Variants in PHACTR1 observed in about 807,000 individuals in gnomAD.
The protein encoded by PHACTR1 is RPEL repeat containing 1.
PHACTR1 carries 16 observed loss-of-function variants against 69.2 expected under a neutral mutation model. The ratio of observed to expected loss-of-function variants is 0.23; its 90% CI spans 0.16 to 0.35. The LOEUF is 0.35. PHACTR1 is among the 10% of genes least tolerant of loss of function. The probability of loss-of-function intolerance (pLI) is 1.00; values close to 1 mark genes in which losing one functional copy is unlikely to be tolerated. For synonymous variants in PHACTR1, 312 were observed against 284.5 expected (o/e 1.10, Z -0.97); for missense variants, 510 against 734.7 (o/e 0.69, Z 3.54).
At chr6:12,819,210 G>T (rs1377329027) in intron 4 of PHACTR1, among the ~76,000 whole-genome samples, 1 of 152,090 alleles carries the variant, frequency 6.6e-6, no homozygotes, top group African/African-American at 2.4e-5. Flanking sequence ...TAGGTCTTTT[G>T]GGGCTTCTCG....
intron 4 of PHACTR1, among the ~76,000 whole-genome samples, chr6:12,765,037 A>G (rs1768443137): frequency 2.0e-5 from 3 of 152,142 alleles, no homozygotes; most frequent in Admixed American, 1.3e-4. Flanking sequence ...GGAAATACTC[A>G]TATTTCAGAG....
intron 5 of PHACTR1, among the ~76,000 whole-genome samples, chr6:13,149,514 T>C (rs1823978193): frequency 1.3e-5 from 2 of 152,190 alleles, no homozygotes; most frequent in African/African-American, 2.4e-5. Flanking sequence ...ATCTCGTACC[T>C]CATGGGCCAT....
chr6:12,848,422 C>T (rs923008843), intron 4 of PHACTR1, among the ~76,000 whole-genome samples: 1 of 152,140 alleles, frequency 6.6e-6, no homozygotes, highest in African/African-American at 2.4e-5. Flanking sequence ...TTTTCCCAAG[C>T]TTCTTTAGGC....
At chr6:13,249,948 AT>A (rs1774148995) in intron 10 of PHACTR1, among the ~76,000 whole-genome samples, 1 of 152,168 alleles carries the variant, frequency 6.6e-6, no homozygotes, top group Admixed American at 6.5e-5. Flanking sequence ...GTTTTCAGAC[AT>A]TGGTGACACT....
intron 4 of PHACTR1, among the ~76,000 whole-genome samples, chr6:12,895,501 T>C (rs1378256594): frequency 6.6e-6 from 1 of 152,136 alleles, no homozygotes; most frequent in Non-Finnish European, 1.5e-5. Flanking sequence ...CTATTTTTAC[T>C]GTTAACAAAA....
rs143854050 is a variant in PHACTR1, at chr6:13,012,010, G to A, written c.251-41355G>A. Among the ~76,000 whole-genome samples the A allele has an allele frequency of 2.1e-4, 32 of 152,314 alleles. No homozygotes were observed. The East Asian group carries it at 6.2e-3, about 29-fold the overall frequency. On this transcript the variant is annotated intron_variant, in intron 4 of 14. Coordinates refer to ENST00000332995, the MANE Select transcript of PHACTR1 (RefSeq NM_030948.6). ...GATTCACCTGTGGTTGGCCTGGCTGGTAGTCCAGCAAAAGGGGGGTGGTTG... is the reference window on the plus strand; with the variant it reads ...GATTCACCTGTGGTTGGCCTGGCTGATAGTCCAGCAAAAGGGGGGTGGTTG...
At chr6:12,842,653 C>T (rs1016126633) in intron 4 of PHACTR1, among the ~76,000 whole-genome samples, 8 of 152,172 alleles carry the variant, frequency 5.3e-5, no homozygotes, top group African/African-American at 1.9e-4. Context: ...GTGATCCTCC[C>T]ACCTCAGCCC....
intron 8 of PHACTR1, among the ~76,000 whole-genome samples, chr6:13,212,148 A>G (rs1469523068): frequency 2.0e-5 from 3 of 152,152 alleles, no homozygotes; most frequent in Non-Finnish European, 4.4e-5. Context: ...TAGGGCCCAC[A>G]CCACTGACAT....
chr6:13,268,370 C>T (rs1777115576), intron 10 of PHACTR1, among the ~76,000 whole-genome samples: 1 of 152,204 alleles, frequency 6.6e-6, no homozygotes, highest in Non-Finnish European at 1.5e-5. Context: ...AGTAAAGTAT[C>T]ATAGTTATGG....
At chr6:13,135,649 A>G (rs1218729440) in intron 5 of PHACTR1, among the ~76,000 whole-genome samples, 2 of 152,180 alleles carry the variant, frequency 1.3e-5, no homozygotes, top group African/African-American at 4.8e-5. Context: ...TAAAGACAAT[A>G]TATAGAGACA....
intron 4 of PHACTR1, among the ~76,000 whole-genome samples, chr6:12,905,119 C>A (rs78414035): frequency 0.011 from 1,692 of 152,266 alleles, 43 homozygotes; most frequent in African/African-American, 0.039. Flanking sequence ...CTGGTCCCAA[C>A]CCCATGGAGC....
chr6:13,190,858 T>C (rs1763476281), intron 7 of PHACTR1, among the ~76,000 whole-genome samples: 1 of 144,668 alleles, frequency 6.9e-6, no homozygotes, highest in Non-Finnish European at 1.6e-5. Context: ...TACCAAAGTA[T>C]TCGCTACTAC....
intron 8 of PHACTR1, among the ~76,000 whole-genome samples, chr6:13,209,072 C>A (rs888788410): frequency 6.6e-6 from 1 of 152,154 alleles, no homozygotes; most frequent in African/African-American, 2.4e-5. Context: ...AAGATTGCCA[C>A]CCCAGAGAAA....
At chr6:13,112,121 A>G (rs1325268519) in intron 5 of PHACTR1, among the ~76,000 whole-genome samples, 2 of 152,190 alleles carry the variant, frequency 1.3e-5, no homozygotes, top group African/African-American at 2.4e-5. Flanking sequence ...AAGTGAGAAC[A>G]TGCCGTATTT....
At chr6:12,843,523 A>G (rs918517776) in intron 4 of PHACTR1, among the ~76,000 whole-genome samples, 3 of 152,216 alleles carry the variant, frequency 2.0e-5, no homozygotes, top group Non-Finnish European at 2.9e-5. Context: ...ACCTAGAAAT[A>G]CCTATCTCTT....
intron 4 of PHACTR1, among the ~76,000 whole-genome samples, chr6:12,951,436 C>T (rs549890668): frequency 2.0e-5 from 3 of 152,180 alleles, no homozygotes; most frequent in South Asian, 2.1e-4. Flanking sequence ...AAAATAAACT[C>T]ATTTTTAAGA....
At position 13,166,361 on chromosome 6, in the gene PHACTR1, C is replaced by A. The variant is rs146884235; in HGVS notation, c.496+6077C>A. Among the ~76,000 whole-genome samples the A allele has an allele frequency of 1.8e-3, 267 of 152,320 alleles. 1 individual carries two copies. Among genetic ancestry groups the A allele is most frequent in the African/African-American group, 5.7e-3 (236 of 41,560 alleles). Reference sequence around the variant, plus strand: ...TAATTTTTTCTTGCCTATCTCTCCTCACTTCATAAGCTCCACCAAGCAGGG... The same window carrying A: ...TAATTTTTTCTTGCCTATCTCTCCTAACTTCATAAGCTCCACCAAGCAGGG... On this transcript the variant is annotated intron_variant, in intron 6 of 14. Transcript: ENST00000332995.
intron 4 of PHACTR1, among the ~76,000 whole-genome samples, chr6:12,906,514 T>G (rs1017315003): frequency 6.6e-6 from 1 of 152,164 alleles, no homozygotes; most frequent in African/African-American, 2.4e-5. Flanking sequence ...CAATGCAGAG[T>G]ATGAAATCAG....
At chr6:12,983,439 CAA>C (rs1036247543) in intron 4 of PHACTR1, among the ~76,000 whole-genome samples, 1 of 152,022 alleles carries the variant, frequency 6.6e-6, no homozygotes, top group African/African-American at 2.4e-5. Flanking sequence ...AAAGTAAAAC[CAA>C]AGAGTCTTGA....
Sources: gnomAD v4.1 joint callset for allele counts (sites outside exome capture counted in the v4.1 genomes callset) on GRCh38, gnomAD v4.1.1 for gene constraint, MANE v1.5 for transcripts, NCBI Gene and HGNC (gene_info 2026-07-23, HGNC 2026-07-21) for gene names.